CTNNA3: variants seen among roughly 807,000 people sequenced by gnomAD.
CTNNA3 encodes catenin alpha 3.
A neutral mutation model predicts 95.7 loss-of-function variants in CTNNA3; 76 were observed. The ratio of observed to expected loss-of-function variants is 0.79; its 90% confidence interval spans 0.66 to 0.96. The LOEUF (loss-of-function observed/expected upper bound fraction) is 0.96, where lower values mean the gene tolerates loss of function less well. CTNNA3 is among the 40% of genes least tolerant of loss of function. The pLI is 0.00. For synonymous variants in CTNNA3, 431 were observed against 374.4 expected (o/e 1.15, Z -1.74); for missense variants, 1,191 against 1,089.8 (o/e 1.09, Z -1.31).
intron 17 of CTNNA3, among the ~76,000 whole-genome samples, chr10:65,925,863 C>G (rs1054985777): frequency 6.6e-6 from 1 of 152,008 alleles, no homozygotes; most frequent in African/African-American, 2.4e-5. Flanking sequence ...ATCCCTAAAA[C>G]TATTTTCCTC....
chr10:67,576,633 C>A (rs901468005), intron 3 of CTNNA3, among the ~76,000 whole-genome samples: 4 of 146,254 alleles, frequency 2.7e-5, no homozygotes, highest in Non-Finnish European at 5.9e-5. Context: ...ATACATGTGC[C>A]ATGCTGGTGT....
chr10:66,200,963 A>G (rs998594715), intron 13 of CTNNA3, among the ~76,000 whole-genome samples: 2 of 152,160 alleles, frequency 1.3e-5, no homozygotes, highest in African/African-American at 4.8e-5. Flanking sequence ...TACTGACACC[A>G]TGAAACCAGT....
chr10:66,851,633 T>TACAC (rs35986426), intron 7 of CTNNA3, among the ~76,000 whole-genome samples: 3,497 of 144,328 alleles, frequency 0.024, 82 homozygotes, highest in South Asian at 0.061. Context: ...TTCTCTCACA[T>TACAC]ACACACACAC....
intron 13 of CTNNA3, among the ~76,000 whole-genome samples, chr10:66,130,726 C>T (rs1191736490): frequency 5.3e-5 from 8 of 151,766 alleles, no homozygotes; most frequent in South Asian, 2.1e-4. Context: ...CATGGTGGCA[C>T]GCACCTGTAG....
At chr10:67,676,271 A>C (rs1840533093) in intron 1 of CTNNA3, among the ~76,000 whole-genome samples, 1 of 152,168 alleles carries the variant, frequency 6.6e-6, no homozygotes, top group Non-Finnish European at 1.5e-5. Context: ...ATATTCAAAA[A>C]TGCAAAGCAC....
chr10:67,388,319 G>C (rs1844290012), intron 5 of CTNNA3, among the ~76,000 whole-genome samples: 1 of 139,940 alleles, frequency 7.1e-6, no homozygotes, highest in Non-Finnish European at 1.5e-5. Flanking sequence ...AGCAATGGAA[G>C]ATGAAATGAA....
intron 5 of CTNNA3, among the ~76,000 whole-genome samples, chr10:67,287,772 T>A (rs1259149901): frequency 6.6e-6 from 1 of 152,174 alleles, no homozygotes; most frequent in African/African-American, 2.4e-5. Context: ...GATATTGTGT[T>A]CAAAGATTGC....
At chr10:67,760,321 G>T (rs1450506147) in intron 1 of CTNNA3, among the ~76,000 whole-genome samples, 1 of 152,038 alleles carries the variant, frequency 6.6e-6, no homozygotes, top group East Asian at 1.9e-4. Flanking sequence ...CCATCTACAC[G>T]TCTCAATTTA....
At chr10:66,878,889 A>G (rs529641273) in intron 7 of CTNNA3, among the ~76,000 whole-genome samples, 1 of 152,302 alleles carries the variant, frequency 6.6e-6, no homozygotes, top group East Asian at 1.9e-4. Flanking sequence ...CTACAGAAAG[A>G]TAAATGTGAC....
At chr10:66,003,982 A>G (rs547756291) in intron 15 of CTNNA3, among the ~76,000 whole-genome samples, 1 of 152,322 alleles carries the variant, frequency 6.6e-6, no homozygotes, top group East Asian at 1.9e-4. Context: ...AAAATCTATT[A>G]TCTTTGTCCT....
At chr10:66,813,845 AGTGT>A (rs66464661) in intron 7 of CTNNA3, among the ~76,000 whole-genome samples, 93,202 of 149,548 alleles carry the variant, frequency 0.62, 28,899 homozygotes, top group Non-Finnish European at 0.63. Context: ...TGTGTGTGTG[AGTGT>A]GTGTGTGTGT....
intron 5 of CTNNA3, among the ~76,000 whole-genome samples, chr10:67,465,687 G>A (rs1847563513): frequency 6.6e-6 from 1 of 152,070 alleles, no homozygotes; most frequent in Non-Finnish European, 1.5e-5. Context: ...CCAGGGGAGA[G>A]AACTACTGCC....
chr10:67,138,439 G>T (rs1338727234), intron 7 of CTNNA3, among the ~76,000 whole-genome samples: 1 of 152,204 alleles, frequency 6.6e-6, no homozygotes, highest in African/African-American at 2.4e-5. Context: ...CTCTGAAACA[G>T]AATTGAAACT....
chr10:66,326,747 G>T (rs1266433462), intron 12 of CTNNA3, among the ~76,000 whole-genome samples: 1 of 151,948 alleles, frequency 6.6e-6, no homozygotes, highest in Non-Finnish European at 1.5e-5. Flanking sequence ...GCAGATTGTT[G>T]CAACTTCTTT....
intron 9 of CTNNA3, among the ~76,000 whole-genome samples, chr10:66,752,397 T>C (rs1472135687): frequency 6.6e-6 from 1 of 152,128 alleles, no homozygotes; most frequent in Non-Finnish European, 1.5e-5. Flanking sequence ...ATGTAATAAA[T>C]AAGTAAACTT....
At chr10:67,046,986 A>G (rs1246417766) in intron 7 of CTNNA3, among the ~76,000 whole-genome samples, 1 of 152,202 alleles carries the variant, frequency 6.6e-6, no homozygotes, top group Admixed American at 6.5e-5. Context: ...GAGGGTAGAA[A>G]AGAAATAGTC....
intron 13 of CTNNA3, among the ~76,000 whole-genome samples, chr10:66,205,599 C>T (rs1589726759): frequency 6.6e-6 from 1 of 151,704 alleles, no homozygotes; most frequent in Admixed American, 6.6e-5. Context: ...AGAAAAAAAC[C>T]CATACACAAA....
intron 11 of CTNNA3, among the ~76,000 whole-genome samples, chr10:66,431,330 C>T (rs2093293834): frequency 6.6e-6 from 1 of 152,142 alleles, no homozygotes; most frequent in Non-Finnish European, 1.5e-5. Flanking sequence ...TTGTGGAAGA[C>T]AGTGTGGCAA....
intron 1 of CTNNA3, among the ~76,000 whole-genome samples, chr10:67,760,611 C>T (rs1186355882): frequency 6.6e-6 from 1 of 150,984 alleles, no homozygotes; most frequent in East Asian, 1.9e-4. Context: ...TGTTAGGAAC[C>T]GGGCCACACA....
Sources: allele counts gnomAD v4.1 joint callset (sites outside exome capture counted in the v4.1 genomes callset), GRCh38; gene constraint gnomAD v4.1.1; transcripts MANE v1.5; gene names NCBI Gene and HGNC (gene_info 2026-07-23, HGNC 2026-07-21).